DNM3: variants seen among roughly 807,000 people sequenced by gnomAD.
The protein encoded by DNM3 is dynamin-3.
In DNM3, 47 loss-of-function variants were observed where a neutral mutation model predicts 101.6. That is an observed-to-expected ratio of 0.46 (90% CI 0.37 to 0.59). DNM3 has a LOEUF of 0.59. Ranked by LOEUF, DNM3 falls within the 20% of genes least tolerant of loss-of-function variation. The pLI is 0.00. For missense variants in DNM3, 849 were observed against 1,085.7 expected (o/e 0.78, Z 3.06); for synonymous variants, 385 against 387.9 (o/e 0.99, Z 0.09).
At chr1:172,122,811 A>G (rs539344664) in intron 13 of DNM3, among the ~76,000 whole-genome samples, 192 of 152,320 alleles carry the variant, frequency 1.3e-3, no homozygotes, top group African/African-American at 3.4e-3. Context: ...CAAACAGTGC[A>G]GAAACTCCTA....
chr1:172,267,575 GT>G (rs975718561), intron 15 of DNM3, among the ~76,000 whole-genome samples: 1 of 151,926 alleles, frequency 6.6e-6, no homozygotes, highest in Non-Finnish European at 1.5e-5. Flanking sequence ...AAGCATAGAT[GT>G]TTTATTGTAA....
At chr1:172,246,020 C>T (rs2061939913) in intron 14 of DNM3, among the ~76,000 whole-genome samples, 1 of 152,148 alleles carries the variant, frequency 6.6e-6, no homozygotes, top group African/African-American at 2.4e-5. Flanking sequence ...GCAAGCACCT[C>T]TTTCACATGG....
intron 17 of DNM3, among the ~76,000 whole-genome samples, chr1:172,339,901 T>A (rs925783988): frequency 1.3e-5 from 2 of 152,232 alleles, no homozygotes; most frequent in Non-Finnish European, 2.9e-5. Flanking sequence ...CAGGGTTCAC[T>A]GGGTCATAAT....
intron 4 of DNM3, among the ~76,000 whole-genome samples, chr1:172,020,721 CAAAAAA>C (rs3051630): frequency 1.1e-4 from 7 of 66,330 alleles, no homozygotes; most frequent in East Asian, 3.7e-4. Flanking sequence ...GAGACTCCGT[CAAAAAA>C]AAAAAAAAAA....
intron 10 of DNM3, among the ~76,000 whole-genome samples, chr1:172,066,477 A>G (rs1349727627): frequency 6.6e-6 from 1 of 152,040 alleles, no homozygotes; most frequent in Non-Finnish European, 1.5e-5. Context: ...CTCTTCTTAT[A>G]AAGCTACCAG....
chr1:172,095,331 T>C (rs1294970505), intron 13 of DNM3, among the ~76,000 whole-genome samples: 1 of 152,148 alleles, frequency 6.6e-6, no homozygotes, highest in Non-Finnish European at 1.5e-5. Flanking sequence ...TCACATCAGA[T>C]CAGGTTTTGC....
intron 18 of DNM3, among the ~76,000 whole-genome samples, chr1:172,380,127 C>G (rs1272637754): frequency 6.6e-6 from 1 of 151,984 alleles, no homozygotes. Context: ...AAATCTGGTT[C>G]TGCTACAGAC....
intron 1 of DNM3, among the ~76,000 whole-genome samples, chr1:171,888,762 C>T (rs2036997801): frequency 6.6e-6 from 1 of 152,084 alleles, no homozygotes; most frequent in African/African-American, 2.4e-5. Context: ...AAATAACTAA[C>T]AAAGATATCT....
At chr1:171,981,026 C>T in intron 2 of DNM3, among the ~76,000 whole-genome samples, 1 of 146,226 alleles carries the variant, frequency 6.8e-6, no homozygotes, top group Non-Finnish European at 1.5e-5. Context: ...CCGCCTCAGC[C>T]TCAGTGGTGG....
intron 1 of DNM3, among the ~76,000 whole-genome samples, chr1:171,882,430 TACACACACACACACACAC>T (rs34753464): frequency 1.4e-5 from 2 of 145,328 alleles, no homozygotes; most frequent in African/African-American, 5.1e-5. Flanking sequence ...TCTCTCTCTA[TACACACACACACACACAC>T]ACACACACAC....
chr1:172,193,337 C>T (rs492746), intron 14 of DNM3, among the ~76,000 whole-genome samples: 86,477 of 151,782 alleles, frequency 0.57, 26,627 homozygotes, highest in African/African-American at 0.81. Flanking sequence ...TTGTTGTGTC[C>T]CTGCCAGGCT....
chr1:172,233,958 G>A (rs1351334037), intron 14 of DNM3, among the ~76,000 whole-genome samples: 4 of 152,158 alleles, frequency 2.6e-5, no homozygotes, highest in African/African-American at 7.2e-5. Flanking sequence ...AAAACTGGAA[G>A]CATTCCTTTT....
In DNM3 at chr1:172,204,967, A is replaced by G. The variant is rs149056191; in HGVS notation, c.1660-48606A>G. On this transcript the variant is annotated intron_variant, in intron 14 of 20. Transcript: ENST00000627582. ...TTTTAATAAGTAGTGAATTCAAATT[A>G]GTGAATTACATTCAGCTATTAAAAT... Among the ~76,000 whole-genome samples, 18 of 152,334 alleles carry G rather than the reference A, an allele frequency of 1.2e-4. No homozygotes were observed. In the East Asian group the frequency reaches 3.5e-3, roughly 29 times the overall value.
chr1:171,897,185 C>T lies in DNM3; in HGVS notation c.162-24563C>T, dbSNP rs151122173. On this transcript the variant is annotated intron_variant, in intron 1 of 20. Coordinates refer to ENST00000627582, the MANE Select transcript of DNM3 (RefSeq NM_015569.5). The stretch of plus-strand genomic sequence containing the variant: ...AAAATGCACTTGGAAGCAGTGGCTT[C>T]CAGACTGCTGAATTTCACGAATCAG... Among the ~76,000 whole-genome samples, 13 of 152,272 alleles carry T rather than the reference C, an allele frequency of 8.5e-5. No homozygotes were observed. In the East Asian group the frequency reaches 2.5e-3, roughly 29 times the overall value.
intron 14 of DNM3, among the ~76,000 whole-genome samples, chr1:172,198,635 G>A (rs2060040846): frequency 6.6e-6 from 1 of 151,878 alleles, no homozygotes; most frequent in African/African-American, 2.4e-5. Flanking sequence ...TCCTGACTGA[G>A]TATTAGAGGA....
intron 2 of DNM3, among the ~76,000 whole-genome samples, chr1:171,962,614 A>G (rs1571852393): frequency 6.6e-6 from 1 of 152,094 alleles, no homozygotes; most frequent in Non-Finnish European, 1.5e-5. Context: ...TCATTCCATG[A>G]CCTCATGTGG....
intron 14 of DNM3, among the ~76,000 whole-genome samples, chr1:172,168,456 G>A (rs984506594): frequency 1.3e-5 from 2 of 151,878 alleles, no homozygotes; most frequent in African/African-American, 4.8e-5. Flanking sequence ...TTCTATTATC[G>A]AGACAATTGC....
At chr1:172,355,632 G>A (rs1276973031) in intron 17 of DNM3, among the ~76,000 whole-genome samples, 5 of 152,096 alleles carry the variant, frequency 3.3e-5, no homozygotes, top group African/African-American at 7.2e-5. Context: ...ATGTGACGTA[G>A]TGAACTGGAA....
At chr1:171,942,305 T>G (rs1253462876) in intron 2 of DNM3, among the ~76,000 whole-genome samples, 1 of 150,430 alleles carries the variant, frequency 6.6e-6, no homozygotes, top group Non-Finnish European at 1.5e-5. Flanking sequence ...GGCACAGAGT[T>G]AAGCCTATTC....
Sources: gnomAD v4.1 joint callset for allele counts (sites outside exome capture counted in the v4.1 genomes callset) on GRCh38, gnomAD v4.1.1 for gene constraint, MANE v1.5 for transcripts, NCBI Gene and HGNC (gene_info 2026-07-23, HGNC 2026-07-21) for gene names.